The following INPP5A variants were observed in gnomAD, a reference collection of about 807,000 sequenced individuals.
INPP5A encodes inositol polyphosphate-5-phosphatase A, also known as 43 kDa inositol polyphosphate 5-phophatase.
Under a neutral mutation model 65.2 loss-of-function variants are expected in INPP5A, and 14 were observed. That is an observed-to-expected ratio of 0.21 (90% CI 0.14 to 0.34). The LOEUF is 0.34. Ranked by LOEUF, INPP5A falls within the 10% of genes least tolerant of loss-of-function variation. The pLI is 1.00. For missense variants in INPP5A, 431 were observed against 545.6 expected (o/e 0.79, Z 2.09); for synonymous variants, 207 against 208.3 (o/e 0.99, Z 0.05).
intron 1 of INPP5A, among the ~76,000 whole-genome samples, chr10:132,564,567 G>T (rs1398260225): frequency 6.6e-6 from 1 of 152,200 alleles, no homozygotes; most frequent in Non-Finnish European, 1.5e-5. Flanking sequence ...GCAATGGAGG[G>T]TCGTTTCCAA....
chr10:132,770,239 C>T lies in INPP5A; in HGVS notation c.977+4393C>T, dbSNP rs535839368. ...GCCCAGGCCTGCCCGACGGTACCCA[C>T]CCCCAGGTCAGCCTCTCCGCAGCCA... On this transcript the variant is annotated intron_variant, in intron 12 of 15. Coordinates refer to ENST00000368594, the MANE Select transcript of INPP5A (RefSeq NM_005539.5). 1.8e-3 allele frequency among the ~76,000 whole-genome samples: 267 copies of T among 152,332 alleles called. 2 individuals are homozygous for T. Among genetic ancestry groups the T allele is most frequent in the African/African-American group, 6.1e-3 (253 of 41,578 alleles).
chr10:132,543,244 C>G (rs543235932), intron 1 of INPP5A, among the ~76,000 whole-genome samples: 4 of 152,168 alleles, frequency 2.6e-5, no homozygotes, highest in African/African-American at 9.6e-5. Context: ...CCCACGTCCC[C>G]CAGCCTCCCC....
intron 4 of INPP5A, among the ~76,000 whole-genome samples, chr10:132,681,297 C>A (rs1342351802): frequency 6.6e-6 from 1 of 152,192 alleles, no homozygotes. Context: ...GGGTCCCCTT[C>A]CACACTGTGG....
chr10:132,614,096 C>G (rs1382559750), intron 2 of INPP5A, among the ~76,000 whole-genome samples: 1 of 152,164 alleles, frequency 6.6e-6, no homozygotes, highest in East Asian at 1.9e-4. Flanking sequence ...CTTTGGGACC[C>G]ACGGCTTTCG....
chr10:132,540,678 C>T (rs1321738442), intron 1 of INPP5A, among the ~76,000 whole-genome samples: 2 of 152,202 alleles, frequency 1.3e-5, no homozygotes, highest in Non-Finnish European at 2.9e-5. Flanking sequence ...CTTGGTTTGT[C>T]CTGGATTTCA....
intron 1 of INPP5A, among the ~76,000 whole-genome samples, chr10:132,542,727 T>C (rs1296488035): frequency 6.6e-6 from 1 of 152,228 alleles, no homozygotes; most frequent in Non-Finnish European, 1.5e-5. Context: ...TCCTCCTTCT[T>C]CTTCAGGGAC....
intron 2 of INPP5A, among the ~76,000 whole-genome samples, chr10:132,631,448 G>A (rs2072271994): frequency 6.6e-6 from 1 of 152,230 alleles, no homozygotes; most frequent in Non-Finnish European, 1.5e-5. Flanking sequence ...AGGCGTCGTT[G>A]GCAAGTAACT....
intron 12 of INPP5A, among the ~76,000 whole-genome samples, chr10:132,768,615 G>A (rs924964394): frequency 4.6e-5 from 7 of 152,242 alleles, no homozygotes; most frequent in African/African-American, 1.7e-4. Flanking sequence ...GCCTTCCTGT[G>A]CTTTCCTGAA....
intron 11 of INPP5A, among the ~76,000 whole-genome samples, chr10:132,754,785 C>A (rs980975178): frequency 6.6e-6 from 1 of 152,248 alleles, no homozygotes; most frequent in Admixed American, 6.5e-5. Flanking sequence ...TGGGCAGCCC[C>A]AGCCTGCTCC....
intron 4 of INPP5A, among the ~76,000 whole-genome samples, chr10:132,677,717 G>C (rs1453000490): frequency 1.3e-5 from 2 of 152,206 alleles, no homozygotes; most frequent in African/African-American, 4.8e-5. Context: ...CGATTAAGCG[G>C]CTGGTATGTG....
chr10:132,619,752 A>G (rs1184351415), intron 2 of INPP5A, among the ~76,000 whole-genome samples: 1 of 152,182 alleles, frequency 6.6e-6, no homozygotes, highest in Non-Finnish European at 1.5e-5. Flanking sequence ...TCAGTCTCCC[A>G]GGTTCAAATG....
At chr10:132,685,135 G>A (rs866371282) in intron 4 of INPP5A, among the ~76,000 whole-genome samples, 2 of 152,212 alleles carry the variant, frequency 1.3e-5, no homozygotes, top group Non-Finnish European at 2.9e-5. Context: ...AGTGAGATGG[G>A]AGTCACCAAA....
At chr10:132,751,197 C>T (rs1024845885) in intron 11 of INPP5A, among the ~76,000 whole-genome samples, 4 of 152,194 alleles carry the variant, frequency 2.6e-5, no homozygotes, top group African/African-American at 4.8e-5. Context: ...ACCCAGAGCC[C>T]GAGGCTCCCG....
chr10:132,584,085 GAACAAACA>G (rs372417778), intron 1 of INPP5A, among the ~76,000 whole-genome samples: 1 of 152,184 alleles, frequency 6.6e-6, no homozygotes, highest in Admixed American at 6.5e-5. Flanking sequence ...TGCGTCTCCA[GAACAAACA>G]AACAAACAAA....
intron 1 of INPP5A, among the ~76,000 whole-genome samples, chr10:132,548,313 T>C (rs2071005091): frequency 6.6e-6 from 1 of 152,062 alleles, no homozygotes; most frequent in Non-Finnish European, 1.5e-5. Flanking sequence ...ACATATGCCA[T>C]GCTCAGGAGG....
intron 5 of INPP5A, among the ~76,000 whole-genome samples, chr10:132,693,585 C>G (rs924547011): frequency 2.6e-5 from 4 of 151,926 alleles, no homozygotes; most frequent in African/African-American, 4.8e-5. Context: ...GCAGAAAGAT[C>G]TGAAATCAAT....
At chr10:132,680,685 G>A (rs2073030808) in intron 4 of INPP5A, among the ~76,000 whole-genome samples, 1 of 152,258 alleles carries the variant, frequency 6.6e-6, no homozygotes, top group African/African-American at 2.4e-5. Flanking sequence ...GGGAACCGGG[G>A]CTGCGCGTGG....
At position 132,727,027 on chromosome 10, in the gene INPP5A, T is replaced by A; in HGVS notation, c.732+122T>A. ...CCATCCGCCTCCCGGGATGCACTTT[T>A]TAAGGCAAAACCTTTCAATGAAGAA... On this transcript the variant is annotated intron_variant, in intron 9 of 15. Transcript: ENST00000368594. This position sits in a 1 kb window ranked among gnomAD's most constrained non-coding sequence, Gnocchi z 6.5. The A allele has an allele frequency of 1.7e-6, 1 of 594,802 alleles. No individual in the cohort carries two copies. The highest frequency in any genetic ancestry group is 2.9e-6 in the Non-Finnish European group (1 of 349,752). The allele number at this position is 594,802 out of a possible 1,614,324, so 36.8% of individuals were successfully genotyped here.
At chr10:132,693,110 G>A (rs1301123791) in intron 5 of INPP5A, among the ~76,000 whole-genome samples, 1 of 152,182 alleles carries the variant, frequency 6.6e-6, no homozygotes, top group Non-Finnish European at 1.5e-5. Context: ...ACATGGATTA[G>A]TTATACATTA....
Sources: allele counts gnomAD v4.1 joint callset (sites outside exome capture counted in the v4.1 genomes callset), GRCh38; gene constraint gnomAD v4.1.1; non-coding constraint Gnocchi (gnomAD v3.1); transcripts MANE v1.5; gene names NCBI Gene and HGNC (gene_info 2026-07-23, HGNC 2026-07-21).